ASIC4: variants seen among roughly 807,000 people sequenced by gnomAD.
The protein encoded by ASIC4 is acid sensing ion channel subunit family member 4, also known as acid-sensing ion channel 4.
Under a neutral mutation model 53.4 loss-of-function variants are expected in ASIC4, and 28 were observed. The observed-to-expected ratio is 0.52, with a 90% CI of 0.39 to 0.72. ASIC4 has a LOEUF of 0.72. Ranked by LOEUF, ASIC4 falls within the 30% of genes least tolerant of loss-of-function variation. The pLI, the probability that ASIC4 is intolerant of heterozygous loss-of-function variation, is 0.00. For missense variants in ASIC4, 649 were observed against 729.7 expected, an observed-to-expected ratio of 0.89 and a Z score of 1.27; for synonymous variants, 289 against 301.4, an observed-to-expected ratio of 0.96 and a Z score of 0.43.
intron 1 of ASIC4, among the ~76,000 whole-genome samples, chr2:219,515,681 C>T (rs1303342132): frequency 6.6e-6 from 1 of 152,212 alleles, no homozygotes; most frequent in African/African-American, 2.4e-5. Context: ...TTTTCTCTTG[C>T]TCCCTTTTTC....
Position 219,514,908 on chromosome 2 carries a change from C to T in ASIC4, c.184C>T (p.Pro62Ser), listed in dbSNP as rs761729775. 6.2e-7 allele frequency: 1 copy of T among 1,612,960 alleles called. No homozygotes were observed. The highest frequency in any genetic ancestry group is 8.5e-7 in the Non-Finnish European group (1 of 1,179,868). Reference sequence around the variant, plus strand: ...ACTGGGCCGGGCCTGTGGCCCAGGCCCCCACGGACTGCGCAGAACCCTGTG... The same window carrying T: ...ACTGGGCCGGGCCTGTGGCCCAGGCTCCCACGGACTGCGCAGAACCCTGTG... ...HGLGRACGPG[P>S]HGLRRTLWAL... is the part of the protein sequence containing the mutation. Residue 62 changes from proline to serine, a missense_variant, in exon 1 of 10, where the codon CCC becomes TCC. Coordinates refer to ENST00000358078, the MANE Select transcript of ASIC4 (RefSeq NM_018674.6).
rs1031143542 is a variant in ASIC4 at position 219,538,264 on chromosome 2, G to A, written c.*218G>A. ...CCCAGGCTGGTGCCCCGGGAGGGCT[G>A]GAGACCAGGCCATGGGCCCTCACGG... On this transcript the variant is annotated 3_prime_UTR_variant, in exon 10 of 10. Coordinates refer to ENST00000358078, the MANE Select transcript of ASIC4 (RefSeq NM_018674.6). 6 of 575,062 alleles carry A rather than the reference G, an allele frequency of 1.0e-5. No homozygotes were observed. Among genetic ancestry groups the A allele is most frequent in the African/African-American group, 1.9e-5 (1 of 52,676 alleles). The allele number at this position is 575,062 out of a possible 1,614,324, so 35.6% of individuals were successfully genotyped here. A position where few individuals can be genotyped will look rare whatever the true frequency, so the allele number is the denominator to read the frequency against.
chr2:219,535,391 G>C, intron 6 of ASIC4, 67 bp downstream of exon 6: 1 of 1,455,838 alleles, frequency 6.9e-7, no homozygotes, highest in Non-Finnish European at 9.2e-7. Context: ...GGGGGTGGCT[G>C]TGTGACTCTG....
chr2:219,509,808 G>T (rs558278577), upstream of ASIC4, among the ~76,000 whole-genome samples: 1 of 152,096 alleles, frequency 6.6e-6, no homozygotes, highest in Non-Finnish European at 1.5e-5. This position sits in a 1 kb window ranked among gnomAD's most constrained non-coding sequence, Gnocchi z 5.2. Context: ...CAAGGTCTCG[G>T]TGCCAGCGCT....
intron 1 of ASIC4, among the ~76,000 whole-genome samples, 187 bp downstream of exon 1, chr2:219,515,493 G>A (rs540553699): frequency 1.6e-4 from 25 of 152,362 alleles, no homozygotes; most frequent in Admixed American, 5.2e-4. Flanking sequence ...AGCAGTGGCC[G>A]CTCATAGGGG....
At position 219,516,523 on chromosome 2, in the gene ASIC4, T is replaced by G. The variant is rs554311293; in HGVS notation, c.582+1217T>G. Among the ~76,000 whole-genome samples the G allele has an allele frequency of 2.6e-5, 4 of 152,130 alleles. No homozygotes were observed. The highest frequency in any genetic ancestry group is 9.6e-5 in the African/African-American group (4 of 41,484). On this transcript the variant is annotated intron_variant, in intron 1 of 9. Transcript: ENST00000358078. The surrounding 1 kb of genome is among the most constrained non-coding windows in gnomAD (Gnocchi z 4.9). Reference sequence around the variant, plus strand: ...TAGTATTCATGGCGCTCGAGATGCTTGTCCCTAGTCCACAGTTTGCTCCCA... The same window carrying G: ...TAGTATTCATGGCGCTCGAGATGCTGGTCCCTAGTCCACAGTTTGCTCCCA...
intron 1 of ASIC4, among the ~76,000 whole-genome samples, chr2:219,526,237 A>T (rs1164702680): frequency 1.3e-5 from 2 of 151,786 alleles, no homozygotes; most frequent in Non-Finnish European, 2.9e-5. Context: ...GCTCTGGACA[A>T]CTCTCTCCCA....
chr2:219,532,731 T>G, intron 4 of ASIC4, 152 bp from the exon 5 acceptor site: 1 of 860,438 alleles, frequency 1.2e-6, no homozygotes, highest in Non-Finnish European at 1.8e-6. Context: ...TATCCGTGGT[T>G]GCGTATTTGT....
upstream of ASIC4, among the ~76,000 whole-genome samples, chr2:219,510,790 G>A (rs1422134855): frequency 6.6e-6 from 1 of 152,102 alleles, no homozygotes; most frequent in Non-Finnish European, 1.5e-5. The surrounding 1 kb of genome is among the most constrained non-coding windows in gnomAD (Gnocchi z 5.2). Flanking sequence ...AGGGCCTGGC[G>A]GTGGGACGCT....
rs1695141367 is a variant in ASIC4 at position 219,536,605 on chromosome 2, G to C, written c.1230-461G>C. Among the ~76,000 whole-genome samples, 1 of 152,144 alleles carries C rather than the reference G, an allele frequency of 6.6e-6. No homozygotes were observed. The highest frequency in any genetic ancestry group is 2.1e-4 in the South Asian group (1 of 4,820). ...TCCAGTGACAGGACGTGGGGCGGTG[G>C]GGTGGTGTGGCGGGGAGCCTGAGCC... On this transcript the variant is annotated intron_variant, in intron 6 of 9. Coordinates refer to ENST00000358078, the MANE Select transcript of ASIC4 (RefSeq NM_018674.6). This position sits in a 1 kb window ranked among gnomAD's most constrained non-coding sequence, Gnocchi z 4.6.
intron 1 of ASIC4, among the ~76,000 whole-genome samples, chr2:219,530,712 G>A (rs1440647890): frequency 2.0e-5 from 3 of 152,216 alleles, no homozygotes; most frequent in Non-Finnish European, 4.4e-5. Context: ...CATTCCAGGA[G>A]AGGGGACAAC....
intron 1 of ASIC4, among the ~76,000 whole-genome samples, chr2:219,529,562 G>A (rs879642028): frequency 1.3e-5 from 2 of 152,164 alleles, no homozygotes; most frequent in African/African-American, 2.4e-5. Context: ...TGGATCCCGA[G>A]GTAGGCTAGG....
intron 6 of ASIC4, 120 bp downstream of exon 6, chr2:219,535,444 T>G: frequency 8.4e-7 from 1 of 1,189,498 alleles, no homozygotes; most frequent in South Asian, 1.6e-5. Context: ...TGTTTGTGTG[T>G]ATGTGGGTGT....
rs1574496658 is a variant in ASIC4, at chr2:219,537,228, C to T, written c.1322-14C>T. The T allele has an allele frequency of 1.9e-6, 3 of 1,612,916 alleles. No individual in the cohort carries two copies. Among genetic ancestry groups the T allele is most frequent in the Non-Finnish European group, 2.5e-6 (3 of 1,179,176 alleles). ...CCCGGCCGCTCCCTCTGACACTGCT[C>T]TCCTGCTTCCCAGGAGACCTCGGGG... On this transcript the variant is annotated splice_polypyrimidine_tract_variant and intron_variant, in intron 7 of 9. Transcript: ENST00000358078. This position sits in a 1 kb window ranked among gnomAD's most constrained non-coding sequence, Gnocchi z 4.9.
At chr2:219,514,296 C>T, upstream of ASIC4, 2 of 1,487,110 alleles carry the variant, frequency 1.3e-6, no homozygotes, top group Non-Finnish European at 1.8e-6. Context: ...CGGTGAAACG[C>T]TGTTGACATG....
upstream of ASIC4, chr2:219,514,412 G>T: frequency 5.2e-6 from 8 of 1,549,064 alleles, no homozygotes; most frequent in South Asian, 1.2e-5. Context: ...TCACTCGCTC[G>T]CTCGCAGGGA....
At chr2:219,512,329 C>T (rs78446682), upstream of ASIC4, among the ~76,000 whole-genome samples, 911 of 152,174 alleles carry the variant, frequency 6.0e-3, 3 homozygotes, top group African/African-American at 7.2e-3. Context: ...CCCAAGATCT[C>T]AATAGATGGT....
rs1214045660 is a variant in ASIC4, at chr2:219,518,936, C to G, written c.582+3630C>G. 2.0e-5 allele frequency among the ~76,000 whole-genome samples: 3 copies of G among 152,160 alleles called. No homozygotes were observed. The highest frequency in any genetic ancestry group is 4.4e-5 in the Non-Finnish European group (3 of 68,024). On this transcript the variant is annotated intron_variant, in intron 1 of 9. Transcript: ENST00000358078. The surrounding 1 kb of genome is among the most constrained non-coding windows in gnomAD (Gnocchi z 4.8). ...TGTTTGTTTTTTTGAGACAGAGTCT[C>G]GTTGTTGCCCAGGCTGGAGTGCAGC...
Position 219,538,443 on chromosome 2 carries a change from T to C in ASIC4, c.*397T>C, listed in dbSNP as rs1238840232. The C allele has an allele frequency of 1.3e-5, 3 of 225,840 alleles. No individual in the cohort carries two copies. The highest frequency in any genetic ancestry group is 1.8e-5 in the Non-Finnish European group (2 of 112,846). 14.0% of individuals were successfully genotyped at this position (225,840 alleles called of 1,614,324 possible). On this transcript the variant is annotated 3_prime_UTR_variant, in exon 10 of 10. Transcript: ENST00000358078. ...TGGGTAGGGCTACAGGGGTGGGTGA[T>C]TTAGGGACAGCCAGGGTCCCAGCCC... is the stretch of plus-strand genomic sequence containing the variant.
Sources: allele counts gnomAD v4.1 joint callset (sites outside exome capture counted in the v4.1 genomes callset), GRCh38; gene constraint gnomAD v4.1.1; non-coding constraint Gnocchi (gnomAD v3.1); transcripts MANE v1.5; gene names NCBI Gene and HGNC (gene_info 2026-07-23, HGNC 2026-07-21).